The following PDGFRL variants were observed in gnomAD, a reference collection of about 807,000 sequenced individuals.
PDGFRL encodes the protein platelet-derived growth factor receptor-like protein.
In PDGFRL, 46 loss-of-function variants were observed where a neutral mutation model predicts 37.2. The ratio of observed to expected loss-of-function variants is 1.24; its 90% CI spans 0.98 to 1.58. The LOEUF (loss-of-function observed/expected upper bound fraction) is 1.58. Among genes scored for constraint, PDGFRL ranks in the 40% most tolerant of loss-of-function variants. The pLI, the probability that PDGFRL is intolerant of heterozygous loss-of-function variation, is 0.00. For missense variants in PDGFRL, 692 were observed against 467.6 expected (o/e 1.48, Z -4.43); for synonymous variants, 251 against 184.3 (o/e 1.36, Z -2.93).
chr8:17,611,018 C>G (rs1037786216), intron 2 of PDGFRL, among the ~76,000 whole-genome samples: 4 of 152,222 alleles, frequency 2.6e-5, no homozygotes, highest in Admixed American at 2.6e-4. Context: ...CCAAGTCATT[C>G]ATTTGGTTAG....
intron 2 of PDGFRL, among the ~76,000 whole-genome samples, chr8:17,597,751 C>A (rs1218669287): frequency 1.3e-5 from 2 of 152,078 alleles, no homozygotes; most frequent in East Asian, 3.9e-4. Flanking sequence ...ACGGATTTTT[C>A]ACAGTGGTGT....
chr8:17,595,214 C>T (rs1239060839), intron 2 of PDGFRL, among the ~76,000 whole-genome samples: 1 of 152,198 alleles, frequency 6.6e-6, no homozygotes, highest in Non-Finnish European at 1.5e-5. Context: ...GCCCTCCACT[C>T]ACCTGCTCCC....
At chr8:17,603,526 C>T (rs1227013451) in intron 2 of PDGFRL, among the ~76,000 whole-genome samples, 1 of 152,192 alleles carries the variant, frequency 6.6e-6, no homozygotes, top group Non-Finnish European at 1.5e-5. Context: ...TAAACATCTC[C>T]TGTCTTTGAG....
intron 3 of PDGFRL, among the ~76,000 whole-genome samples, chr8:17,626,915 G>C (rs1423525907): frequency 6.6e-6 from 1 of 152,194 alleles, no homozygotes; most frequent in Non-Finnish European, 1.5e-5. Context: ...GAAATGGGGG[G>C]AGATAAGAGA....
At chr8:17,577,636 T>A (rs1803615754) in intron 1 of PDGFRL, among the ~76,000 whole-genome samples, 1 of 151,444 alleles carries the variant, frequency 6.6e-6, no homozygotes, top group Non-Finnish European at 1.5e-5. Flanking sequence ...CGTGTCGGTC[T>A]GGGAGGTGGG....
intron 5 of PDGFRL, among the ~76,000 whole-genome samples, chr8:17,640,430 C>T (rs112133504): frequency 0.016 from 2,509 of 152,260 alleles, 71 homozygotes; most frequent in African/African-American, 0.057. Flanking sequence ...AGATCTGGGG[C>T]TCAAGGGCTG....
At chr8:17,606,881 TTTTTG>T (rs1304430654) in intron 2 of PDGFRL, among the ~76,000 whole-genome samples, 2 of 45,384 alleles carry the variant, frequency 4.4e-5, no homozygotes, top group Admixed American at 3.7e-4. Flanking sequence ...AGTTTTTCGT[TTTTTG>T]TTTTTTTGTT....
intron 2 of PDGFRL, among the ~76,000 whole-genome samples, chr8:17,600,400 C>T (rs1174269194): frequency 1.3e-5 from 2 of 152,172 alleles, no homozygotes; most frequent in African/African-American, 4.8e-5. Flanking sequence ...GTTCTATACA[C>T]TCCTCTCTAC....
chr8:17,621,032 A>C lies in PDGFRL; in HGVS notation c.354-19A>C. On this transcript the variant is annotated intron_variant, in intron 2 of 5. Transcript: ENST00000251630. ...GCCAGGTCTGACTTGCTTTGAGTTC[A>C]TGTGTCTTTTATTCCTAGCGTCAAG... is the stretch of plus-strand genomic sequence containing the variant. 3 of 1,575,312 alleles carry C rather than the reference A, an allele frequency of 1.9e-6. No homozygotes were observed. The highest frequency in any genetic ancestry group is 2.6e-6 in the Non-Finnish European group (3 of 1,153,398).
chr8:17,576,952 G>T (rs1399305371), upstream of PDGFRL, among the ~76,000 whole-genome samples: 1 of 152,076 alleles, frequency 6.6e-6, no homozygotes, highest in Admixed American at 6.5e-5. Flanking sequence ...AACGCCAAGC[G>T]TTGGAGAAAT....
intron 2 of PDGFRL, among the ~76,000 whole-genome samples, chr8:17,605,683 C>T (rs1047480957): frequency 2.6e-5 from 4 of 152,212 alleles, no homozygotes; most frequent in African/African-American, 4.8e-5. Flanking sequence ...AGCAACATCA[C>T]AGCAGTAAAA....
At chr8:17,597,965 T>C (rs1050762337) in intron 2 of PDGFRL, among the ~76,000 whole-genome samples, 3 of 151,302 alleles carry the variant, frequency 2.0e-5, no homozygotes, top group African/African-American at 7.3e-5. Flanking sequence ...CCATCAATGT[T>C]ATATAGCATT....
At chr8:17,586,797 G>C (rs1044709054) in intron 1 of PDGFRL, among the ~76,000 whole-genome samples, 1 of 152,164 alleles carries the variant, frequency 6.6e-6, no homozygotes, top group African/African-American at 2.4e-5. Flanking sequence ...TTATAGATGA[G>C]AAAACTGAAA....
At chr8:17,628,804 GA>G (rs779737448) in intron 4 of PDGFRL, 24 bp downstream of exon 4, 1 of 1,570,330 alleles carries the variant, frequency 6.4e-7, no homozygotes, top group South Asian at 1.1e-5. Context: ...CCCCTGCCTA[GA>G]TTCTAGTTAG....
At chr8:17,617,622 C>G (rs765068930) in intron 2 of PDGFRL, among the ~76,000 whole-genome samples, 3 of 152,204 alleles carry the variant, frequency 2.0e-5, no homozygotes, top group Admixed American at 2.0e-4. Flanking sequence ...TGTAATCCCA[C>G]TAAATAATTT....
At chr8:17,586,772 C>T (rs1018026218) in intron 1 of PDGFRL, among the ~76,000 whole-genome samples, 17 of 152,134 alleles carry the variant, frequency 1.1e-4, no homozygotes, top group African/African-American at 3.9e-4. Flanking sequence ...TAGTTATTAC[C>T]ATATCATTCT....
intron 4 of PDGFRL, among the ~76,000 whole-genome samples, chr8:17,630,510 CTGTT>C (rs973479135): frequency 3.2e-4 from 49 of 152,168 alleles, no homozygotes; most frequent in Admixed American, 1.4e-3. Context: ...GTTTCTAAGA[CTGTT>C]TGTTTAAAAT....
intron 4 of PDGFRL, among the ~76,000 whole-genome samples, chr8:17,633,745 GCTTCTTCCCTA>G: frequency 6.6e-6 from 1 of 152,240 alleles, no homozygotes; most frequent in East Asian, 1.9e-4. Context: ...CTTCCTCCCT[GCTTCTTCCCTA>G]GGGACTTCTT....
chr8:17,634,773 C>A (rs55638952), intron 5 of PDGFRL, among the ~76,000 whole-genome samples: 31,992 of 151,872 alleles, frequency 0.21, 3,758 homozygotes, highest in African/African-American at 0.31. Context: ...AATGATTAGA[C>A]TACATGGACA....
Sources: allele counts gnomAD v4.1 joint callset (sites outside exome capture counted in the v4.1 genomes callset), GRCh38; gene constraint gnomAD v4.1.1; transcripts MANE v1.5; gene names NCBI Gene and HGNC (gene_info 2026-07-23, HGNC 2026-07-21).